RBFOX1: variants seen among roughly 807,000 people sequenced by gnomAD.
RBFOX1 encodes the protein RNA binding fox-1 homolog 1.
Under a neutral mutation model 57.7 loss-of-function variants are expected in RBFOX1, and 8 were observed. That is an observed-to-expected ratio of 0.14 (90% CI 0.08 to 0.25). The LOEUF (loss-of-function observed/expected upper bound fraction) is 0.25, where lower values mean the gene tolerates loss of function less well. RBFOX1 is among the 10% of genes least tolerant of loss of function. RBFOX1 has a pLI of 1.00. For synonymous variants in RBFOX1, 326 were observed against 222.4 expected, an observed-to-expected ratio of 1.47 and a Z score of -4.15; for missense variants, 611 against 548.5, an observed-to-expected ratio of 1.11 and a Z score of -1.14.
At chr16:6,105,595 G>T (rs2096368698) in intron 1 of RBFOX1, among the ~76,000 whole-genome samples, 2 of 151,832 alleles carry the variant, frequency 1.3e-5, no homozygotes, top group African/African-American at 4.8e-5. Flanking sequence ...TATTTTCATG[G>T]ACACTACCTT....
At chr16:7,240,533 G>A (rs770508943) in intron 4 of RBFOX1, among the ~76,000 whole-genome samples, 1 of 151,960 alleles carries the variant, frequency 6.6e-6, no homozygotes, top group Non-Finnish European at 1.5e-5. Context: ...GGTTTTCGTG[G>A]TGTTTTTTGT....
chr16:6,811,077 C>A (rs1036528457), intron 3 of RBFOX1, among the ~76,000 whole-genome samples: 1 of 152,188 alleles, frequency 6.6e-6, no homozygotes, highest in Non-Finnish European at 1.5e-5. Flanking sequence ...CTGGGTATTT[C>A]TTTCTGGGAT....
rs576479007 is a variant in RBFOX1 at position 6,271,558 on chromosome 16, C to T, written c.-126-45437C>T. On this transcript the variant is annotated intron_variant, in intron 1 of 15. Transcript: ENST00000550418. ...TTTTTGAACAGATGAGTAAGACAAA[C>T]CTCCTGACAAATCTGAGCAAAACTG... is the stretch of plus-strand genomic sequence containing the variant. Among the ~76,000 whole-genome samples, 7 of 152,226 alleles carry T rather than the reference C, an allele frequency of 4.6e-5. No homozygotes were observed. The South Asian group carries it at 1.2e-3, about 27-fold the overall frequency.
chr16:6,575,573 A>G (rs184153075), intron 2 of RBFOX1, among the ~76,000 whole-genome samples: 1 of 152,194 alleles, frequency 6.6e-6, no homozygotes, highest in East Asian at 1.9e-4. Context: ...AAGATTAATA[A>G]AGGGCTAGGC....
chr16:5,508,952 C>T (rs772676185), intron 2 of RBFOX1, among the ~76,000 whole-genome samples: 1 of 152,194 alleles, frequency 6.6e-6, no homozygotes, highest in Non-Finnish European at 1.5e-5. Context: ...CGTCTTTGCC[C>T]ACTCATCTCA....
chr16:5,738,687 C>T (rs1159197010), intron 3 of RBFOX1, among the ~76,000 whole-genome samples: 1 of 149,066 alleles, frequency 6.7e-6, no homozygotes, highest in Non-Finnish European at 1.5e-5. Context: ...AAGCACATTC[C>T]ATTGATTTCA....
chr16:6,851,622 T>G lies in RBFOX1; in HGVS notation c.-16+196972T>G, dbSNP rs371173997. On this transcript the variant is annotated intron_variant, in intron 3 of 15. Transcript: ENST00000550418. ...CTTGTCTTAATTATCTTTACATGCC[T>G]CCTCTCAAGCCTCCTGTTGTCAGGG... 6.6e-5 allele frequency among the ~76,000 whole-genome samples: 10 copies of G among 152,274 alleles called. 1 individual carries two copies. The highest frequency in any genetic ancestry group is 1.9e-4 in the East Asian group (1 of 5,166).
At position 7,438,223 on chromosome 16, in the gene RBFOX1, T is replaced by G. The variant is rs75989223; in HGVS notation, c.28-79924T>G. ...ACCAGGGTACAGTGGCTACAGAGAG[T>G]TCTTCATGTCCTCTCTCTATTAAGA... On this transcript the variant is annotated intron_variant, in intron 4 of 15. Coordinates refer to ENST00000550418, the MANE Select transcript of RBFOX1 (RefSeq NM_018723.4). Among the ~76,000 whole-genome samples the G allele has an allele frequency of 0.011, 1,683 of 151,958 alleles. 75 individuals are homozygous for G. In the East Asian group the frequency reaches 0.15, roughly 13 times the overall value.
chr16:5,764,293 G>A (rs764934189), intron 3 of RBFOX1, among the ~76,000 whole-genome samples: 1 of 152,198 alleles, frequency 6.6e-6, no homozygotes, highest in Non-Finnish European at 1.5e-5. Context: ...ACGGCATTCT[G>A]CCTCAATGCT....
intron 4 of RBFOX1, among the ~76,000 whole-genome samples, chr16:7,243,459 G>A (rs1374229762): frequency 6.6e-6 from 1 of 152,182 alleles, no homozygotes; most frequent in Non-Finnish European, 1.5e-5. Context: ...TTGTTTGTAG[G>A]TGAAGAAACT....
At chr16:5,334,484 G>C (rs955859180) in intron 1 of RBFOX1, among the ~76,000 whole-genome samples, 2 of 152,096 alleles carry the variant, frequency 1.3e-5, no homozygotes, top group African/African-American at 4.8e-5. Flanking sequence ...GAAGAGAAAA[G>C]AGATGGTTGG....
chr16:7,693,637 G>T (rs371523108), intron 14 of RBFOX1, among the ~76,000 whole-genome samples: 2 of 152,060 alleles, frequency 1.3e-5, no homozygotes, highest in East Asian at 3.9e-4. Context: ...GAATCCACAA[G>T]AAAATCTTAC....
intron 2 of RBFOX1, among the ~76,000 whole-genome samples, chr16:6,636,392 G>C (rs902047476): frequency 2.6e-5 from 4 of 151,974 alleles, no homozygotes; most frequent in South Asian, 4.1e-4. Context: ...GGATGGTCTC[G>C]ATCTCCTGAC....
intron 3 of RBFOX1, among the ~76,000 whole-genome samples, chr16:6,656,238 C>A (rs1039799862): frequency 6.6e-6 from 1 of 152,190 alleles, no homozygotes; most frequent in African/African-American, 2.4e-5. Flanking sequence ...CCCCAACCTG[C>A]TTCCAAAGGT....
intron 3 of RBFOX1, among the ~76,000 whole-genome samples, chr16:6,832,554 G>C (rs942595399): frequency 2.6e-5 from 4 of 152,140 alleles, no homozygotes; most frequent in Non-Finnish European, 5.9e-5. Context: ...AATGTCTTGG[G>C]GTCTCAGGGG....
chr16:6,806,834 A>ATTT lies in RBFOX1; in HGVS notation c.-16+152185_-16+152186insTTT, dbSNP rs1309354557. 2.3e-3 allele frequency among the ~76,000 whole-genome samples: 173 copies of ATTT among 74,164 alleles called. 2 individuals carry two copies. Among genetic ancestry groups the ATTT allele is most frequent in the African/African-American group, 8.0e-3 (167 of 20,906 alleles). The allele number at this position is 74,164 out of a possible 152,430, so 48.7% of individuals were successfully genotyped here. On this transcript the variant is annotated intron_variant, in intron 3 of 15. Coordinates refer to ENST00000550418, the MANE Select transcript of RBFOX1 (RefSeq NM_018723.4). ...AATATATAAATATATATATATATAT[A>ATTT]TATTTTTTTTTTTTTTTGAGAGAAA...
intron 4 of RBFOX1, among the ~76,000 whole-genome samples, chr16:7,075,887 G>A (rs1007502177): frequency 6.6e-6 from 1 of 151,066 alleles, no homozygotes; most frequent in Non-Finnish European, 1.5e-5. Flanking sequence ...GCCTGGGCTT[G>A]CATTTCAACA....
intron 4 of RBFOX1, among the ~76,000 whole-genome samples, chr16:7,208,045 T>C (rs1433870737): frequency 6.6e-6 from 1 of 152,178 alleles, no homozygotes; most frequent in Non-Finnish European, 1.5e-5. Flanking sequence ...TCTGGAAAAC[T>C]AGGACTTTAG....
At chr16:6,332,596 G>C (rs894248640) in intron 2 of RBFOX1, among the ~76,000 whole-genome samples, 1 of 152,174 alleles carries the variant, frequency 6.6e-6, no homozygotes, top group Non-Finnish European at 1.5e-5. Context: ...ATAGCGTGCT[G>C]TTATATCTTC....
Sources: allele counts gnomAD v4.1 joint callset (sites outside exome capture counted in the v4.1 genomes callset), GRCh38; gene constraint gnomAD v4.1.1; transcripts MANE v1.5; gene names NCBI Gene and HGNC (gene_info 2026-07-23, HGNC 2026-07-21).